The following TRIM22 variants were observed in gnomAD, a reference collection of about 807,000 sequenced individuals.
TRIM22 encodes the protein E3 ubiquitin-protein ligase TRIM22.
In TRIM22, 45 loss-of-function variants were observed where a neutral mutation model predicts 53.6. That is an observed-to-expected ratio of 0.84 (90% CI 0.66 to 1.08). TRIM22 has a LOEUF of 1.08. Ranked by LOEUF, TRIM22 falls within the 50% of genes least tolerant of loss-of-function variation. TRIM22 has a pLI of 0.00. For synonymous variants in TRIM22, 225 were observed against 216.6 expected (o/e 1.04, Z -0.34); for missense variants, 616 against 590.9 (o/e 1.04, Z -0.44).
chr11:5,708,706 C>A, intron 7 of TRIM22, 103 bp downstream of exon 7: 9 of 977,674 alleles, frequency 9.2e-6, no homozygotes, highest in African/African-American at 1.8e-5. Flanking sequence ...CATGCTTAAA[C>A]CATGTAGTTC....
Position 5,699,530 on chromosome 11 carries a change from C to CAAAA in TRIM22, c.750+1021_750+1024dup, listed in dbSNP as rs71053298. ...TGGGCGACAGAGCGAGACTCCGTCTCAAAAAAAAAAAAAAAAAAAAAAAAA... is the reference window on the plus strand; with the variant it reads ...TGGGCGACAGAGCGAGACTCCGTCTCAAAAAAAAAAAAAAAAAAAAAAAAAAAAA... On this transcript the variant is annotated intron_variant, in intron 4 of 7. Transcript: ENST00000379965. Among the ~76,000 whole-genome samples, 13 of 28,544 alleles carry CAAAA rather than the reference C, an allele frequency of 4.6e-4. 4 individuals are homozygous for CAAAA. The highest frequency in any genetic ancestry group is 1.1e-3 in the African/African-American group (6 of 5,382). The allele number at this position is 28,544 out of a possible 152,430, so 18.7% of individuals were successfully genotyped here. A position where few individuals can be genotyped will look rare whatever the true frequency, so the allele number is the denominator to read the frequency against.
At chr11:5,704,690 T>A (rs1226259003) in intron 4 of TRIM22, among the ~76,000 whole-genome samples, 1 of 152,252 alleles carries the variant, frequency 6.6e-6, no homozygotes, top group African/African-American at 2.4e-5. Context: ...ACTTTTTGTA[T>A]CATAGCCAAC....
At position 5,698,540 on chromosome 11, in the gene TRIM22, C is replaced by G; in HGVS notation, c.745C>G (p.Leu249Val). 6.2e-7 allele frequency: 1 copy of G among 1,611,424 alleles called. No homozygotes were observed. The highest frequency in any genetic ancestry group is 8.5e-7 in the Non-Finnish European group (1 of 1,178,272). The change falls in exon 4 of 8, where the codon CTG becomes GTG. Residue 249 changes from leucine to valine, a missense_variant. Coordinates refer to ENST00000379965, the MANE Select transcript of TRIM22 (RefSeq NM_006074.5). Reference sequence around the variant, plus strand: ...GTTGAGGGGATCGTCAGTAGAGATGCTGCAGGTAAGACTTGGGATGGAGCA... The same window carrying G: ...GTTGAGGGGATCGTCAGTAGAGATGGTGCAGGTAAGACTTGGGATGGAGCA... Reference protein sequence around the residue: ...RRLRGSSVEMLQDVIDVMKRS... With the variant: ...RRLRGSSVEMVQDVIDVMKRS...
chr11:5,707,469 C>G (rs1428381172), intron 5 of TRIM22, among the ~76,000 whole-genome samples: 1 of 152,140 alleles, frequency 6.6e-6, no homozygotes, highest in Non-Finnish European at 1.5e-5. Context: ...ATGGCAATGA[C>G]TTTTCTAAAT....
chr11:5,703,033 A>C (rs1466335239), intron 4 of TRIM22, among the ~76,000 whole-genome samples: 2 of 152,194 alleles, frequency 1.3e-5, no homozygotes, highest in Non-Finnish European at 2.9e-5. Flanking sequence ...TCTGTAAATA[A>C]ATATAGTTAA....
chr11:5,704,153 A>G (rs891363369), intron 4 of TRIM22, among the ~76,000 whole-genome samples: 3 of 152,220 alleles, frequency 2.0e-5, no homozygotes, highest in African/African-American at 7.2e-5. Flanking sequence ...ATATACCCAA[A>G]GGAAAATAAA....
At chr11:5,708,374 TG>T in intron 6 of TRIM22, 101 bp downstream of exon 6, 1 of 1,143,898 alleles carries the variant, frequency 8.7e-7, no homozygotes, top group South Asian at 1.4e-5. Flanking sequence ...GGAGAGGAGG[TG>T]GGCCAGAGAA....
At chr11:5,696,969 T>G in intron 2 of TRIM22, 2 of 492,640 alleles carry the variant, frequency 4.1e-6, no homozygotes, top group Non-Finnish European at 7.1e-6. Context: ...GTGGGAAGAG[T>G]GGCAATGAAA....
At chr11:5,697,376 A>T in intron 3 of TRIM22, 33 bp downstream of exon 3, 1 of 1,543,766 alleles carries the variant, frequency 6.5e-7, no homozygotes, top group Non-Finnish European at 8.9e-7. Context: ...GGATAATTAG[A>T]CAGGAATCTG....
chr11:5,699,530 C>CAAAAAAAAAAAAAA (rs71053298), intron 4 of TRIM22, among the ~76,000 whole-genome samples: 1 of 28,544 alleles, frequency 3.5e-5, no homozygotes, highest in Non-Finnish European at 5.3e-5. Flanking sequence ...GACTCCGTCT[C>CAAAAAAAAAAAAAA]AAAAAAAAAA....
At chr11:5,691,566 A>G (rs888765329) in intron 1 of TRIM22, among the ~76,000 whole-genome samples, 4 of 152,188 alleles carry the variant, frequency 2.6e-5, no homozygotes, top group Non-Finnish European at 5.9e-5. Context: ...ATTGGGCATA[A>G]GACAATATGA....
At chr11:5,698,775 A>C (rs574119128) in intron 4 of TRIM22, among the ~76,000 whole-genome samples, 1 of 152,326 alleles carries the variant, frequency 6.6e-6, no homozygotes, top group African/African-American at 2.4e-5. Context: ...CAGTGTAAAA[A>C]TTTGAGCTTG....
At chr11:5,693,579 C>T (rs1034583791) in intron 1 of TRIM22, among the ~76,000 whole-genome samples, 13 of 151,588 alleles carry the variant, frequency 8.6e-5, no homozygotes, top group Non-Finnish European at 1.9e-4. Flanking sequence ...AAAAATCACC[C>T]GGGTGTGGTG....
Position 5,709,293 on chromosome 11 carries a change from G to C in TRIM22, c.1142G>C (p.Arg381Thr). 6.2e-7 allele frequency: 1 copy of C among 1,613,946 alleles called. No individual in the cohort carries two copies. Among genetic ancestry groups the C allele is most frequent in the Non-Finnish European group, 8.5e-7 (1 of 1,179,958 alleles). ...VHSKISSLNKRKSSGFAFDPS... is the reference protein window; with the variant it reads ...VHSKISSLNKTKSSGFAFDPS... Reference sequence around the variant, plus strand: ...AGTAAAATAAGTAGTCTGAATAAAAGGAAGAGCTCTGGGTTTGCTTTTGAT... The same window carrying C: ...AGTAAAATAAGTAGTCTGAATAAAACGAAGAGCTCTGGGTTTGCTTTTGAT... The change falls in exon 8 of 8, where the codon AGG (arginine) becomes ACG (threonine). Residue 381 changes from arginine to threonine, a missense_variant. By Grantham distance (71) the Arg-to-Thr change is moderately conservative. Coordinates refer to ENST00000379965, the MANE Select transcript of TRIM22 (RefSeq NM_006074.5).
intron 4 of TRIM22, among the ~76,000 whole-genome samples, chr11:5,700,906 C>G (rs2133262): frequency 0.58 from 87,130 of 151,438 alleles, 25,169 homozygotes; most frequent in Admixed American, 0.63. Flanking sequence ...TTTGCTGAGA[C>G]TTTTTATCAT....
At chr11:5,706,056 T>C (rs1853452972) in intron 4 of TRIM22, among the ~76,000 whole-genome samples, 2 of 152,170 alleles carry the variant, frequency 1.3e-5, no homozygotes, top group Non-Finnish European at 2.9e-5. Flanking sequence ...CCTGAAAAAA[T>C]ATAGGGCAAA....
At position 5,698,416 on chromosome 11, in the gene TRIM22, A is replaced by G. The variant is rs777678231; in HGVS notation, c.621A>G (p.Glu207=). The change falls in exon 4 of 8, where the codon GAA becomes GAG. Residue 207 remains glutamate, a synonymous_variant. Transcript: ENST00000379965. ...AGAGAGAGCTGCAAAAGCTGGAGGA[A>G]GGTGAGGTGAATGTGCTGGATAACC... is the stretch of plus-strand genomic sequence containing the variant. The part of the protein sequence containing the change: ...EEQRELQKLE[E]GEVNVLDNLA... 1.9e-6 allele frequency: 3 copies of G among 1,614,090 alleles called. No homozygotes were observed. Among genetic ancestry groups the G allele is most frequent in the Non-Finnish European group, 8.5e-7 (1 of 1,180,040 alleles).
Position 5,696,525 on chromosome 11 carries a change from A to G in TRIM22, c.293A>G (p.Glu98Gly), listed in dbSNP as rs1282082094. 1 of 1,614,232 alleles carries G rather than the reference A, an allele frequency of 6.2e-7. No individual in the cohort carries two copies. The highest frequency in any genetic ancestry group is 2.2e-5 in the East Asian group (1 of 44,884). The stretch of plus-strand genomic sequence containing the variant: ...GAGGGGCAGAAGAGAGATGTCTGTG[A>G]GCACCATGGAAAAAAACTCCAGATC... ...PQEGQKRDVC[E>G]HHGKKLQIFC... Residue 98 changes from glutamate (E) to glycine (G), a missense_variant, in exon 2 of 8, where the codon GAG becomes GGG. By Grantham distance (98) the Glu-to-Gly change is moderately conservative. Coordinates refer to ENST00000379965, the MANE Select transcript of TRIM22 (RefSeq NM_006074.5).
chr11:5,700,437 T>C (rs1161846877), intron 4 of TRIM22, among the ~76,000 whole-genome samples: 2 of 152,094 alleles, frequency 1.3e-5, no homozygotes, highest in Non-Finnish European at 2.9e-5. Flanking sequence ...AGTTTTTATT[T>C]GTCTTTGCTT....
Sources: allele counts gnomAD v4.1 joint callset (sites outside exome capture counted in the v4.1 genomes callset), GRCh38; gene constraint gnomAD v4.1.1; transcripts MANE v1.5; gene names NCBI Gene and HGNC (gene_info 2026-07-23, HGNC 2026-07-21).